Variants in KALRN observed in about 807,000 individuals in gnomAD.
KALRN encodes the protein kalirin.
KALRN carries 70 observed loss-of-function variants against 353.7 expected under a neutral mutation model. The observed-to-expected ratio is 0.20, with a 90% CI of 0.16 to 0.24. KALRN has a LOEUF of 0.24. KALRN is among the 10% of genes least tolerant of loss of function. The pLI is 1.00. For missense variants in KALRN, 2,791 were observed against 3,756.7 expected (o/e 0.74, Z 6.72); for synonymous variants, 1,391 against 1,434.8 (o/e 0.97, Z 0.69).
At chr3:124,243,516 A>G (rs557879841) in intron 3 of KALRN, among the ~76,000 whole-genome samples, 1 of 152,280 alleles carries the variant, frequency 6.6e-6, no homozygotes, top group Admixed American at 6.5e-5. Flanking sequence ...GGACAAAAGA[A>G]TTCCTAATAA....
intron 1 of KALRN, among the ~76,000 whole-genome samples, chr3:124,042,721 G>C (rs1174141160): frequency 6.6e-6 from 1 of 152,106 alleles, no homozygotes; most frequent in Non-Finnish European, 1.5e-5. Context: ...AGGGGAAGAG[G>C]GGGGATTTGG....
At chr3:124,382,584 C>T (rs1008322492) in intron 10 of KALRN, among the ~76,000 whole-genome samples, 3 of 152,162 alleles carry the variant, frequency 2.0e-5, no homozygotes, top group Non-Finnish European at 2.9e-5. Flanking sequence ...GTAGACAGTT[C>T]AGTTTGGCTT....
intron 10 of KALRN, among the ~76,000 whole-genome samples, chr3:124,378,947 T>C (rs139750375): frequency 5.9e-5 from 9 of 152,114 alleles, no homozygotes; most frequent in East Asian, 5.8e-4. Context: ...CTTGGATTTA[T>C]AGTTTTTGTT....
chr3:124,131,477 G>A (rs1358258589), intron 1 of KALRN, among the ~76,000 whole-genome samples: 1 of 152,178 alleles, frequency 6.6e-6, no homozygotes, highest in African/African-American at 2.4e-5. Context: ...CATTAAAAGG[G>A]CCACCCAAAT....
At chr3:124,316,414 T>C (rs1344357184) in intron 6 of KALRN, among the ~76,000 whole-genome samples, 2 of 152,216 alleles carry the variant, frequency 1.3e-5, no homozygotes, top group Non-Finnish European at 2.9e-5. Context: ...CGAAGTCCCT[T>C]ACCATGGCTT....
At position 124,156,084 on chromosome 3, in the gene KALRN, C is replaced by T. The variant is rs185133583; in HGVS notation, c.74-71906C>T. Among the ~76,000 whole-genome samples the T allele has an allele frequency of 1.5e-3, 231 of 152,278 alleles. 3 individuals are homozygous for T. Among genetic ancestry groups the T allele is most frequent in the East Asian group, 1.4e-3 (7 of 5,172 alleles). On this transcript the variant is annotated intron_variant, in intron 1 of 59. Coordinates refer to ENST00000682506, the MANE Select transcript of KALRN (RefSeq NM_001388419.1). ...CTCTCTGGCCAAGCCCTCATTCATC[C>T]AGAGAATACAGCTTCCTTCCATCAG...
At chr3:124,062,512 C>A (rs535103100) in intron 1 of KALRN, among the ~76,000 whole-genome samples, 47 of 152,306 alleles carry the variant, frequency 3.1e-4, no homozygotes, top group Middle Eastern at 3.4e-3. Flanking sequence ...ATTCCTGGGC[C>A]ACAGCTTAGC....
intron 33 of KALRN, among the ~76,000 whole-genome samples, chr3:124,553,325 G>A (rs1370390251): frequency 1.3e-5 from 2 of 152,202 alleles, no homozygotes; most frequent in African/African-American, 2.4e-5. Context: ...AGATAGTAGC[G>A]ATTGAGACAG....
At chr3:124,125,090 G>T (rs1289906145) in intron 1 of KALRN, among the ~76,000 whole-genome samples, 1 of 152,180 alleles carries the variant, frequency 6.6e-6, no homozygotes, top group African/African-American at 2.4e-5. Context: ...AGAACCTGGA[G>T]TATAAGGAAG....
At chr3:124,099,141 A>G (rs1040272803) in intron 1 of KALRN, among the ~76,000 whole-genome samples, 1 of 152,208 alleles carries the variant, frequency 6.6e-6, no homozygotes, top group Non-Finnish European at 1.5e-5. Context: ...TCTAGCTATT[A>G]TGAACTATAC....
chr3:124,452,865 C>G (rs2058933190), intron 21 of KALRN, among the ~76,000 whole-genome samples: 1 of 152,172 alleles, frequency 6.6e-6, no homozygotes, highest in Non-Finnish European at 1.5e-5. Flanking sequence ...GGTAGAGCTG[C>G]CCTAGTATGG....
intron 17 of KALRN, 46 bp downstream of exon 17, chr3:124,434,571 G>T: frequency 6.3e-7 from 1 of 1,582,670 alleles, no homozygotes; most frequent in Middle Eastern, 1.7e-4. Context: ...ATTGCCAGGG[G>T]GCCATTTTCT....
At chr3:124,180,557 CTG>C (rs1285465210) in intron 1 of KALRN, among the ~76,000 whole-genome samples, 1 of 152,188 alleles carries the variant, frequency 6.6e-6, no homozygotes, top group African/African-American at 2.4e-5. Context: ...CACTTATCAG[CTG>C]TGTGACCTTC....
At chr3:124,207,723 T>G (rs2076535024) in intron 1 of KALRN, among the ~76,000 whole-genome samples, 1 of 152,246 alleles carries the variant, frequency 6.6e-6, no homozygotes, top group Non-Finnish European at 1.5e-5. Context: ...GGAAACAATA[T>G]GTACCCCTTA....
At chr3:124,589,176 C>T (rs182928339) in intron 34 of KALRN, among the ~76,000 whole-genome samples, 15 of 152,278 alleles carry the variant, frequency 9.9e-5, no homozygotes, top group East Asian at 5.8e-4. Flanking sequence ...TATGACTTGA[C>T]GTAAATATCT....
intron 12 of KALRN, among the ~76,000 whole-genome samples, chr3:124,396,039 G>C (rs1373422937): frequency 6.6e-6 from 1 of 152,222 alleles, no homozygotes; most frequent in Non-Finnish European, 1.5e-5. Context: ...CTTAGATAAA[G>C]TGTCATGAGG....
intron 33 of KALRN, among the ~76,000 whole-genome samples, chr3:124,524,385 C>G (rs2067411366): frequency 6.6e-6 from 1 of 152,084 alleles, no homozygotes; most frequent in Non-Finnish European, 1.5e-5. Flanking sequence ...AAACAGGGAG[C>G]AGTATAGGAT....
intron 57 of KALRN, among the ~76,000 whole-genome samples, chr3:124,706,376 C>T (rs2062614488): frequency 2.0e-5 from 3 of 152,202 alleles, no homozygotes; most frequent in Non-Finnish European, 1.5e-5. Flanking sequence ...CAGAGGTTGA[C>T]AGCCAGGGTT....
rs1218525177 is a variant in KALRN, at chr3:124,044,889, C to CT, written c.73+11076_73+11077insT. On this transcript the variant is annotated intron_variant, in intron 1 of 59. Coordinates refer to ENST00000682506, the MANE Select transcript of KALRN (RefSeq NM_001388419.1). The stretch of plus-strand genomic sequence containing the variant: ...TCCTTCCTTCCTTCCTTCCTTCCTT[C>CT]CTTCCTTCCTTCCTTCCTTCCTTCT... Among the ~76,000 whole-genome samples, 84 of 17,536 alleles carry CT rather than the reference C, an allele frequency of 4.8e-3. 2 individuals carry two copies. Among genetic ancestry groups the CT allele is most frequent in the South Asian group, 0.026 (3 of 116 alleles). 11.5% of individuals were successfully genotyped at this position (17,536 alleles called of 152,430 possible).
Sources: allele counts gnomAD v4.1 joint callset (sites outside exome capture counted in the v4.1 genomes callset), GRCh38; gene constraint gnomAD v4.1.1; transcripts MANE v1.5; gene names NCBI Gene and HGNC (gene_info 2026-07-23, HGNC 2026-07-21).